Variants in EPHA6 observed in about 807,000 individuals in gnomAD.
The protein encoded by EPHA6 is ephrin type-A receptor 6.
A neutral mutation model predicts 112.0 loss-of-function variants in EPHA6; 50 were observed. The observed-to-expected ratio is 0.45, with a 90% CI of 0.36 to 0.56. The LOEUF (loss-of-function observed/expected upper bound fraction) is 0.56. Among genes scored for constraint, EPHA6 ranks in the 20% least tolerant of loss-of-function variants. The probability of loss-of-function intolerance (pLI) is 0.00; values close to 1 mark genes in which losing one functional copy is unlikely to be tolerated. For missense variants in EPHA6, 1,280 were observed against 1,417.4 expected (o/e 0.90, Z 1.56); for synonymous variants, 529 against 490.7 (o/e 1.08, Z -1.03).
At chr3:97,172,656 G>A (rs1249643676) in intron 3 of EPHA6, among the ~76,000 whole-genome samples, 3 of 151,866 alleles carry the variant, frequency 2.0e-5, no homozygotes, top group Non-Finnish European at 2.9e-5. Context: ...CCATGAATAT[G>A]TATCTGTAGG....
chr3:97,399,923 A>G (rs2086895451), intron 5 of EPHA6, among the ~76,000 whole-genome samples: 1 of 151,518 alleles, frequency 6.6e-6, no homozygotes, highest in Admixed American at 6.6e-5. Context: ...TTTGCTGTTC[A>G]GAAGCTTTTA....
intron 3 of EPHA6, among the ~76,000 whole-genome samples, chr3:97,084,083 T>TGTGC (rs1372345707): frequency 2.6e-5 from 3 of 117,184 alleles, no homozygotes; most frequent in African/African-American, 1.2e-4. Context: ...TGTGTGTGTG[T>TGTGC]GTGTGTGTGT....
In EPHA6 at chr3:96,829,938, T is replaced by TGCGCGCGCGCGC. The variant is rs368535487; in HGVS notation, c.385+14931_385+14942dup. ...GTCTGTATACACATGCACGTGCATG[T>TGCGCGCGCGCGC]GCGCGCGCGCGCACACACACACACA... On this transcript the variant is annotated intron_variant, in intron 1 of 17. Transcript: ENST00000389672. 1.7e-3 allele frequency among the ~76,000 whole-genome samples: 209 copies of TGCGCGCGCGCGC among 120,194 alleles called. 2 individuals carry two copies. The highest frequency in any genetic ancestry group is 5.9e-3 in the African/African-American group (201 of 33,928). The allele number at this position is 120,194 out of a possible 152,430, so 78.9% of individuals were successfully genotyped here.
At chr3:97,747,656 T>C in intron 17 of EPHA6, 84 bp downstream of exon 17, 1 of 1,239,076 alleles carries the variant, frequency 8.1e-7, no homozygotes, top group Non-Finnish European at 1.1e-6. Flanking sequence ...ACACCTTTCC[T>C]TAGGCTAGTG....
chr3:97,727,396 C>T (rs915704958), intron 15 of EPHA6, among the ~76,000 whole-genome samples: 4 of 152,032 alleles, frequency 2.6e-5, no homozygotes, highest in African/African-American at 9.7e-5. Context: ...AAGAAAATAA[C>T]CTTTTACTGT....
intron 5 of EPHA6, among the ~76,000 whole-genome samples, chr3:97,259,069 A>G (rs1479830930): frequency 6.6e-6 from 1 of 152,176 alleles, no homozygotes; most frequent in African/African-American, 2.4e-5. Flanking sequence ...AGTGACTTAA[A>G]GTTGTGCAGT....
chr3:96,869,126 A>G (rs1216269138), intron 2 of EPHA6, among the ~76,000 whole-genome samples: 8 of 152,140 alleles, frequency 5.3e-5, no homozygotes, highest in Admixed American at 5.2e-4. Flanking sequence ...TCTTTTAAGC[A>G]TTGTCCTGAA....
intron 12 of EPHA6, among the ~76,000 whole-genome samples, chr3:97,605,115 G>A (rs996089194): frequency 6.6e-6 from 1 of 151,606 alleles, no homozygotes. Context: ...AAAGTAAACT[G>A]TCAAGACTTC....
chr3:97,479,267 A>C, intron 8 of EPHA6, 27 bp from the exon 9 acceptor site: 1 of 1,436,760 alleles, frequency 7.0e-7, no homozygotes, highest in African/African-American at 1.4e-5. Context: ...TCTTAAAACA[A>C]GTTTTTTTTT....
At position 97,678,586 on chromosome 3, in the gene EPHA6, T is replaced by A. The variant is rs533709808; in HGVS notation, c.2784+40504T>A. ...TCACCCCTGCTGTGAAAGCAGAGAA[T>A]CCTAGAAAGGTGATTTAATTATAAC... On this transcript the variant is annotated intron_variant, in intron 14 of 17. Coordinates refer to ENST00000389672, the MANE Select transcript of EPHA6 (RefSeq NM_001080448.3). 5.3e-5 allele frequency among the ~76,000 whole-genome samples: 8 copies of A among 152,276 alleles called. No individual in the cohort carries two copies. The East Asian group carries it at 1.5e-3, about 29-fold the overall frequency.
chr3:97,240,205 A>G (rs2078803515), intron 4 of EPHA6, among the ~76,000 whole-genome samples: 1 of 151,892 alleles, frequency 6.6e-6, no homozygotes, highest in Non-Finnish European at 1.5e-5. Context: ...ATCAGTGAAC[A>G]TGATATTCAC....
At chr3:97,066,712 G>A (rs1036397491) in intron 3 of EPHA6, among the ~76,000 whole-genome samples, 1 of 152,180 alleles carries the variant, frequency 6.6e-6, no homozygotes, top group Non-Finnish European at 1.5e-5. Context: ...TTTAGGAACT[G>A]TAGAGATTTC....
intron 3 of EPHA6, among the ~76,000 whole-genome samples, chr3:97,128,612 G>A (rs1457612356): frequency 6.6e-6 from 1 of 151,958 alleles, no homozygotes; most frequent in African/African-American, 2.4e-5. Context: ...TCTACCTCCT[G>A]GGTTCGATTC....
At chr3:97,201,058 T>C (rs1488048430) in intron 3 of EPHA6, among the ~76,000 whole-genome samples, 2 of 152,176 alleles carry the variant, frequency 1.3e-5, no homozygotes, top group Non-Finnish European at 2.9e-5. Flanking sequence ...CATGTCTAAA[T>C]GCTCAGTTTG....
intron 13 of EPHA6, among the ~76,000 whole-genome samples, chr3:97,631,489 G>A (rs2093902288): frequency 6.6e-6 from 1 of 151,774 alleles, no homozygotes; most frequent in Non-Finnish European, 1.5e-5. Flanking sequence ...TTCTTTTTTT[G>A]TCATTTTGTT....
At chr3:97,479,030 A>G (rs2091454374) in intron 8 of EPHA6, among the ~76,000 whole-genome samples, 1 of 152,158 alleles carries the variant, frequency 6.6e-6, no homozygotes, top group African/African-American at 2.4e-5. Flanking sequence ...ATTAGTAGTC[A>G]TGTAAGGGAT....
At chr3:97,142,004 A>T (rs191455021) in intron 3 of EPHA6, among the ~76,000 whole-genome samples, 2 of 151,974 alleles carry the variant, frequency 1.3e-5, no homozygotes, top group Non-Finnish European at 2.9e-5. Flanking sequence ...ACTCTAATAT[A>T]TTGACTTTGG....
At position 97,755,893 on chromosome 3, in the gene EPHA6, T is replaced by C. The variant is rs929077453; in HGVS notation, c.*7192T>C. Among the ~76,000 whole-genome samples, 6 of 152,186 alleles carry C rather than the reference T, an allele frequency of 3.9e-5. No homozygotes were observed. Among genetic ancestry groups the C allele is most frequent in the East Asian group, 1.9e-4 (1 of 5,188 alleles). ...GGAGAAGAATGCTAATTTGTAAAGA[T>C]AGGCAAACACTACACTTTTAAGATT... is the stretch of plus-strand genomic sequence containing the variant. On this transcript the variant is annotated 3_prime_UTR_variant, in exon 18 of 18. Transcript: ENST00000389672.
chr3:96,893,446 C>T (rs1680027134), intron 2 of EPHA6, among the ~76,000 whole-genome samples: 2 of 152,058 alleles, frequency 1.3e-5, no homozygotes, highest in Admixed American at 1.3e-4. Flanking sequence ...ATATAAAATC[C>T]ATACCTAATA....
Sources: gnomAD v4.1 joint callset for allele counts (sites outside exome capture counted in the v4.1 genomes callset) on GRCh38, gnomAD v4.1.1 for gene constraint, MANE v1.5 for transcripts, NCBI Gene and HGNC (gene_info 2026-07-23, HGNC 2026-07-21) for gene names.